SLC9A1: variants seen among roughly 807,000 people sequenced by gnomAD.
SLC9A1 encodes solute carrier family 9 member A1, also known as sodium/hydrogen exchanger 1.
SLC9A1 carries 22 observed loss-of-function variants against 67.9 expected under a neutral mutation model. That is an observed-to-expected ratio of 0.32 (90% CI 0.23 to 0.46). The LOEUF (loss-of-function observed/expected upper bound fraction) is 0.46. SLC9A1 is among the 20% of genes least tolerant of loss of function. The probability of loss-of-function intolerance (pLI) is 1.00; values close to 1 mark genes in which losing one functional copy is unlikely to be tolerated. For missense variants in SLC9A1, 686 were observed against 1,094.8 expected, an observed-to-expected ratio of 0.63 and a Z score of 5.27; for synonymous variants, 421 against 471.8, an observed-to-expected ratio of 0.89 and a Z score of 1.40.
chr1:27,154,926 G>A lies in SLC9A1; in HGVS notation c.-592C>T, dbSNP rs538973882. ...AGGCGCGCCGGGCTGAGATTCCGGG[G>A]AAATGGAAAGAGGCGGAAGGCAGGC... is the stretch of plus-strand genomic sequence containing the variant. On this transcript the variant is annotated 5_prime_UTR_variant, in exon 1 of 12. Transcript: ENST00000263980. The A allele has an allele frequency of 6.6e-6, 1 of 152,362 alleles. No individual in the cohort carries two copies. Among genetic ancestry groups the A allele is most frequent in the East Asian group, 1.9e-4 (1 of 5,204 alleles). 9.4% of individuals were successfully genotyped at this position (152,362 alleles called of 1,614,324 possible). A position where few individuals can be genotyped will look rare whatever the true frequency, so the allele number is the denominator to read the frequency against.
Position 27,114,230 on chromosome 1 carries a change from C to A in SLC9A1, c.409G>T (p.Val137Leu). 1 of 1,613,992 alleles carries A rather than the reference C, an allele frequency of 6.2e-7. No individual in the cohort carries two copies. The highest frequency in any genetic ancestry group is 8.5e-7 in the Non-Finnish European group (1 of 1,179,876). Reference protein sequence around the residue: ...SIVPESCLLIVVGLLVGGLIK... With the variant: ...SIVPESCLLILVGLLVGGLIK... ...AGGCCCCCCACCAGCAGCCCCACCA[C>A]GATCAGCAGGCAGCTCTCCGGGACG... is the stretch of plus-strand genomic sequence containing the variant. Residue 137 changes from valine to leucine, a missense_variant, in exon 2 of 12, where the codon GTG (valine) becomes TTG (leucine). Physicochemically the swap from Val to Leu is conservative, Grantham distance 32. Around this residue, in one of 7 missense-constraint regions of SLC9A1, gnomAD observed 29 missense variants for 71.9 expected, o/e 0.40. Transcript: ENST00000263980. The surrounding 1 kb of genome is among the most constrained non-coding windows in gnomAD (Gnocchi z 5.4).
intron 1 of SLC9A1, among the ~76,000 whole-genome samples, chr1:27,131,439 C>CAAAA (rs35954506): frequency 5.5e-4 from 15 of 27,488 alleles, no homozygotes; most frequent in African/African-American, 1.9e-3. Context: ...ACTAAAAATA[C>CAAAA]AAAAAAAAAA....
Position 27,106,205 on chromosome 1 carries a change from G to A in SLC9A1, c.1283-118C>T, listed in dbSNP as rs1003250633. ...AAGTCTCCATTACGAAGCCCACCCC[G>A]CTCACTCAATTCCTGGGTCCCTCAG... On this transcript the variant is annotated intron_variant, in intron 4 of 11. Transcript: ENST00000263980. This position sits in a 1 kb window ranked among gnomAD's most constrained non-coding sequence, Gnocchi z 4.3. The A allele has an allele frequency of 2.1e-5, 14 of 681,552 alleles. No individual in the cohort carries two copies. The highest frequency in any genetic ancestry group is 3.3e-5 in the Non-Finnish European group (13 of 390,654). 42.2% of individuals were successfully genotyped at this position (681,552 alleles called of 1,614,324 possible).
chr1:27,115,825 A>G (rs2083268785), intron 1 of SLC9A1, among the ~76,000 whole-genome samples: 1 of 152,090 alleles, frequency 6.6e-6, no homozygotes, highest in Non-Finnish European at 1.5e-5. Flanking sequence ...ATAACTGCTT[A>G]TCATTATACA....
chr1:27,138,071 T>C lies in SLC9A1; in HGVS notation c.352+15912A>G, dbSNP rs572360337. Reference sequence around the variant, plus strand: ...CCGACTCTATCGCACTCCCAGGCTGTCCGCACATCCCTCCCCAGGTCAGAC... The same window carrying C: ...CCGACTCTATCGCACTCCCAGGCTGCCCGCACATCCCTCCCCAGGTCAGAC... On this transcript the variant is annotated intron_variant, in intron 1 of 11. Coordinates refer to ENST00000263980, the MANE Select transcript of SLC9A1 (RefSeq NM_003047.5). 1.0e-3 allele frequency among the ~76,000 whole-genome samples: 156 copies of C among 152,296 alleles called. 1 individual carries two copies. The highest frequency in any genetic ancestry group is 1.4e-3 in the Non-Finnish European group (96 of 68,002).
intron 1 of SLC9A1, among the ~76,000 whole-genome samples, chr1:27,153,139 T>C (rs72653245): frequency 0.31 from 46,581 of 151,872 alleles, 7,568 homozygotes; most frequent in Non-Finnish European, 0.36. Context: ...TCAAAGTCTC[T>C]TCAGGCCTGA....
At chr1:27,126,355 T>C (rs1318101330) in intron 1 of SLC9A1, among the ~76,000 whole-genome samples, 1 of 152,136 alleles carries the variant, frequency 6.6e-6, no homozygotes, top group Non-Finnish European at 1.5e-5. Context: ...TGACTTTCTC[T>C]TACCTCAGTG....
chr1:27,151,364 T>TA (rs1457175493), intron 1 of SLC9A1, among the ~76,000 whole-genome samples: 1 of 152,168 alleles, frequency 6.6e-6, no homozygotes, highest in African/African-American at 2.4e-5. Flanking sequence ...TATTTTTTTT[T>TA]ATTTATTTAT....
chr1:27,117,864 T>C (rs939977491), intron 1 of SLC9A1, among the ~76,000 whole-genome samples: 9 of 152,162 alleles, frequency 5.9e-5, no homozygotes, highest in African/African-American at 2.2e-4. Flanking sequence ...CGGTATTTTC[T>C]CTGAGCCAGG....
intron 1 of SLC9A1, among the ~76,000 whole-genome samples, chr1:27,122,184 G>A (rs1449668770): frequency 6.6e-6 from 1 of 152,126 alleles, no homozygotes; most frequent in Non-Finnish European, 1.5e-5. Context: ...CCTTCCTGGA[G>A]CCACACCCCC....
At chr1:27,108,091 G>A (rs1438483627) in intron 3 of SLC9A1, among the ~76,000 whole-genome samples, 1 of 134,462 alleles carries the variant, frequency 7.4e-6, no homozygotes, top group East Asian at 2.2e-4. Flanking sequence ...TTTTTGAGAC[G>A]AGTCTCACTC....
At chr1:27,126,968 C>CGAGT (rs1408093630) in intron 1 of SLC9A1, among the ~76,000 whole-genome samples, 1 of 151,908 alleles carries the variant, frequency 6.6e-6, no homozygotes, top group Non-Finnish European at 1.5e-5. Flanking sequence ...GACAGGGAAA[C>CGAGT]GAGTGTGGTA....
At chr1:27,111,205 C>G (rs944930056) in intron 2 of SLC9A1, among the ~76,000 whole-genome samples, 2 of 152,088 alleles carry the variant, frequency 1.3e-5, no homozygotes, top group Admixed American at 6.6e-5. Context: ...CAGCCGTGGG[C>G]TAAACTCATT....
Position 27,105,868 on chromosome 1 carries a change from C to G in SLC9A1, c.1485+17G>C. The stretch of plus-strand genomic sequence containing the variant: ...AGGGTCCCCAAGGCAAGGGCCTGCC[C>G]TGCCCTGGCCCAGCACCTGCACAAA... On this transcript the variant is annotated intron_variant, in intron 5 of 11. Transcript: ENST00000263980. The G allele has an allele frequency of 3.1e-6, 5 of 1,609,154 alleles. No homozygotes were observed. The highest frequency in any genetic ancestry group is 2.6e-6 in the Non-Finnish European group (3 of 1,176,370).
At chr1:27,113,708 G>A (rs2083246068) in intron 2 of SLC9A1, 118 bp downstream of exon 2, 6 of 787,280 alleles carry the variant, frequency 7.6e-6, no homozygotes, top group Non-Finnish European at 1.3e-5. Context: ...TACGGGAAGC[G>A]GGAATGTGCC....
chr1:27,125,667 T>C (rs1452752131), intron 1 of SLC9A1, among the ~76,000 whole-genome samples: 1 of 151,788 alleles, frequency 6.6e-6, no homozygotes, highest in Admixed American at 6.6e-5. Context: ...CAATCTTGGC[T>C]CATTGCAACC....
In SLC9A1 at chr1:27,118,914, C is replaced by T. The variant is rs76701270; in HGVS notation, c.353-4628G>A. 1.6e-3 allele frequency among the ~76,000 whole-genome samples: 249 copies of T among 152,214 alleles called. 1 individual carries two copies. The highest frequency in any genetic ancestry group is 5.4e-3 in the African/African-American group (224 of 41,528). ...CAAGGAGGCACGAAAGTGTGGAATTCAACATCTCCAAGCACAGCCACAGGC... is the reference window on the plus strand; with the variant it reads ...CAAGGAGGCACGAAAGTGTGGAATTTAACATCTCCAAGCACAGCCACAGGC... On this transcript the variant is annotated intron_variant, in intron 1 of 11. Transcript: ENST00000263980. This position sits in a 1 kb window ranked among gnomAD's most constrained non-coding sequence, Gnocchi z 4.3.
intron 2 of SLC9A1, among the ~76,000 whole-genome samples, chr1:27,111,231 T>G (rs773110389): frequency 6.6e-6 from 1 of 152,076 alleles, no homozygotes; most frequent in Non-Finnish European, 1.5e-5. Flanking sequence ...CCTGAGGGGA[T>G]TCATGGGTCC....
intron 1 of SLC9A1, among the ~76,000 whole-genome samples, chr1:27,151,179 A>G (rs892049482): frequency 8.5e-5 from 13 of 152,306 alleles, no homozygotes; most frequent in Non-Finnish European, 1.0e-4. Flanking sequence ...CCTTCAGCTC[A>G]GAGGAAGGTT....
Sources: allele counts gnomAD v4.1 joint callset (sites outside exome capture counted in the v4.1 genomes callset), GRCh38; gene constraint gnomAD v4.1.1; regional missense constraint gnomAD v4.1.1; non-coding constraint Gnocchi (gnomAD v3.1); transcripts MANE v1.5; gene names NCBI Gene and HGNC (gene_info 2026-07-23, HGNC 2026-07-21).